Variants in PARD3B observed in about 807,000 individuals in gnomAD.
PARD3B encodes partitioning defective 3 homolog B.
A neutral mutation model predicts 130.2 loss-of-function variants in PARD3B; 103 were observed. The observed-to-expected ratio is 0.79, with a 90% CI of 0.67 to 0.93. PARD3B has a LOEUF of 0.93. Among genes scored for constraint, PARD3B ranks in the 40% least tolerant of loss-of-function variants. PARD3B has a pLI of 0.00. For missense variants in PARD3B, 1,609 were observed against 1,499.2 expected, an observed-to-expected ratio of 1.07 and a Z score of -1.21; for synonymous variants, 583 against 553.2, an observed-to-expected ratio of 1.05 and a Z score of -0.76.
chr2:204,982,690 T>G (rs994565891), intron 3 of PARD3B, among the ~76,000 whole-genome samples: 2 of 152,238 alleles, frequency 1.3e-5, no homozygotes, highest in African/African-American at 4.8e-5. Context: ...AAACAAGTGT[T>G]CTAATTAAAT....
intron 21 of PARD3B, among the ~76,000 whole-genome samples, chr2:205,501,370 A>C (rs2050154358): frequency 6.6e-6 from 1 of 152,158 alleles, no homozygotes; most frequent in Non-Finnish European, 1.5e-5. Context: ...GATTAAACAG[A>C]ATGACACCTA....
Position 205,276,591 on chromosome 2 carries a change from G to A in PARD3B, c.2186-23939G>A, listed in dbSNP as rs1268310535. On this transcript the variant is annotated intron_variant, in intron 16 of 22. Transcript: ENST00000406610. The surrounding 1 kb of genome is among the most constrained non-coding windows in gnomAD (Gnocchi z 5.0). ...ACCATCTCACAAATGGCCCTTCTCG[G>A]CAACGTTGGGGGATATTTATTCCGG... 6.6e-6 allele frequency among the ~76,000 whole-genome samples: 1 copy of A among 152,172 alleles called. No homozygotes were observed. Among genetic ancestry groups the A allele is most frequent in the Admixed American group, 6.5e-5 (1 of 15,284 alleles).
intron 19 of PARD3B, among the ~76,000 whole-genome samples, chr2:205,416,495 G>A (rs1366679192): frequency 6.6e-6 from 1 of 152,120 alleles, no homozygotes; most frequent in Non-Finnish European, 1.5e-5. Flanking sequence ...GGGGTAAAGG[G>A]ACTGGAACAC....
At chr2:205,299,570 T>TATTATATATATATTATATATATATA (rs1364747536) in intron 16 of PARD3B, among the ~76,000 whole-genome samples, 1 of 7,400 alleles carries the variant, frequency 1.4e-4, no homozygotes, top group African/African-American at 2.6e-4. Flanking sequence ...ATTATATATA[T>TATTATATATATATTATATATATATA]ATATATAATA....
Position 204,771,284 on chromosome 2 carries a change from T to C in PARD3B, c.222+85002T>C, listed in dbSNP as rs562190361. Among the ~76,000 whole-genome samples the C allele has an allele frequency of 2.6e-5, 4 of 152,178 alleles. No individual in the cohort carries two copies. In the South Asian group the frequency reaches 8.3e-4, roughly 32 times the overall value. Reference sequence around the variant, plus strand: ...TGTGTAAGCATGTCTTGGGTAGCACTGCCATAGATAGTATCTATGAATTAT... The same window carrying C: ...TGTGTAAGCATGTCTTGGGTAGCACCGCCATAGATAGTATCTATGAATTAT... On this transcript the variant is annotated intron_variant, in intron 2 of 22. Transcript: ENST00000406610.
chr2:204,716,191 A>G lies in PARD3B; in HGVS notation c.222+29909A>G, dbSNP rs1312582496. ...TTTACTATCCCTAAGAGATAGTAAT[A>G]GTCTCCAGTCTGGTTGCTATTGGTC... is the stretch of plus-strand genomic sequence containing the variant. On this transcript the variant is annotated intron_variant, in intron 2 of 22. Transcript: ENST00000406610. Among the ~76,000 whole-genome samples, 4 of 152,148 alleles carry G rather than the reference A, an allele frequency of 2.6e-5. No homozygotes were observed. In the South Asian group the frequency reaches 6.2e-4, roughly 24 times the overall value.
intron 18 of PARD3B, among the ~76,000 whole-genome samples, chr2:205,384,993 C>T (rs552739383): frequency 6.6e-6 from 1 of 151,788 alleles, no homozygotes; most frequent in African/African-American, 2.4e-5. Context: ...TTTTTAATCT[C>T]CAGCACCTCA....
At chr2:205,339,719 A>C (rs965169931) in intron 18 of PARD3B, among the ~76,000 whole-genome samples, 1 of 152,176 alleles carries the variant, frequency 6.6e-6, no homozygotes, top group East Asian at 1.9e-4. Flanking sequence ...TATCCTGCTG[A>C]CTTTGTTCAG....
At chr2:205,393,982 C>A (rs1426115006) in intron 18 of PARD3B, among the ~76,000 whole-genome samples, 1 of 151,910 alleles carries the variant, frequency 6.6e-6, no homozygotes, top group Non-Finnish European at 1.5e-5. Flanking sequence ...ATATTAAAAT[C>A]TTTATTATAT....
chr2:204,799,855 TTA>T lies in PARD3B; in HGVS notation c.222+113577_222+113578del, dbSNP rs2042503839. On this transcript the variant is annotated intron_variant, in intron 2 of 22. Coordinates refer to ENST00000406610, the MANE Select transcript of PARD3B (RefSeq NM_001302769.2). The surrounding 1 kb of genome is among the most constrained non-coding windows in gnomAD (Gnocchi z 4.1). ...AGATATGGCTGCAGTGACTAAAGAT[TTA>T]TATCACAGCATCAGTTCCCTTGGAA... is the stretch of plus-strand genomic sequence containing the variant. Among the ~76,000 whole-genome samples, 1 of 152,124 alleles carries T rather than the reference TTA, an allele frequency of 6.6e-6. No individual in the cohort carries two copies. The highest frequency in any genetic ancestry group is 1.9e-4 in the East Asian group (1 of 5,172).
intron 3 of PARD3B, among the ~76,000 whole-genome samples, chr2:205,013,319 T>C (rs1039983916): frequency 2.0e-5 from 3 of 152,244 alleles, no homozygotes; most frequent in Non-Finnish European, 4.4e-5. Context: ...ATAACTGTAG[T>C]TTAATTATTC....
In PARD3B at chr2:205,223,023, A is replaced by G. The variant is rs576809660; in HGVS notation, c.2141-22755A>G. 6.6e-5 allele frequency among the ~76,000 whole-genome samples: 10 copies of G among 152,318 alleles called. No individual in the cohort carries two copies. In the East Asian group the frequency reaches 1.5e-3, roughly 24 times the overall value. On this transcript the variant is annotated intron_variant, in intron 15 of 22. Coordinates refer to ENST00000406610, the MANE Select transcript of PARD3B (RefSeq NM_001302769.2). Reference sequence around the variant, plus strand: ...GGTACGTATTCTTGGAGGAAATGCTAAAGTGTTCTGAGGCAGGATCGGGAG... The same window carrying G: ...GGTACGTATTCTTGGAGGAAATGCTGAAGTGTTCTGAGGCAGGATCGGGAG...
intron 20 of PARD3B, among the ~76,000 whole-genome samples, chr2:205,476,610 T>TG (rs1342586193): frequency 2.6e-5 from 4 of 152,160 alleles, no homozygotes; most frequent in East Asian, 3.9e-4. Context: ...CTTTGTTTTC[T>TG]GGGTTTTTTG....
intron 2 of PARD3B, among the ~76,000 whole-genome samples, chr2:204,898,752 T>G (rs2046738397): frequency 6.6e-6 from 1 of 152,134 alleles, no homozygotes; most frequent in Admixed American, 6.5e-5. Flanking sequence ...TAATGGGGGC[T>G]CTCTCTCTCT....
At chr2:205,518,509 C>T (rs2050889333) in intron 21 of PARD3B, among the ~76,000 whole-genome samples, 1 of 152,094 alleles carries the variant, frequency 6.6e-6, no homozygotes, top group African/African-American at 2.4e-5. Flanking sequence ...AGACAGCTGT[C>T]ATTCGGTCTT....
intron 16 of PARD3B, among the ~76,000 whole-genome samples, chr2:205,256,263 A>G (rs1341412666): frequency 6.6e-6 from 1 of 151,966 alleles, no homozygotes; most frequent in Non-Finnish European, 1.5e-5. Context: ...GCTTTTTTTC[A>G]TACAGGAAGG....
chr2:205,401,927 T>G (rs1269019118), intron 19 of PARD3B, among the ~76,000 whole-genome samples: 1 of 152,208 alleles, frequency 6.6e-6, no homozygotes, highest in Non-Finnish European at 1.5e-5. Context: ...TGTACTCAGA[T>G]TTACACAACT....
At chr2:205,571,649 A>T (rs78368342) in intron 22 of PARD3B, among the ~76,000 whole-genome samples, 2 of 152,222 alleles carry the variant, frequency 1.3e-5, no homozygotes, top group Non-Finnish European at 2.9e-5. Context: ...GCTTTTATCA[A>T]CCTTACTAAT....
intron 20 of PARD3B, among the ~76,000 whole-genome samples, chr2:205,482,059 C>T (rs1033696685): frequency 6.6e-6 from 1 of 152,024 alleles, no homozygotes; most frequent in African/African-American, 2.4e-5. Context: ...GAGGACCTGC[C>T]CCATGCGAGC....
Sources: gnomAD v4.1 joint callset for allele counts (sites outside exome capture counted in the v4.1 genomes callset) on GRCh38, gnomAD v4.1.1 for gene constraint, Gnocchi (gnomAD v3.1) non-coding constraint, MANE v1.5 for transcripts, NCBI Gene and HGNC (gene_info 2026-07-23, HGNC 2026-07-21) for gene names.